Variants in NAGK observed in about 807,000 individuals in gnomAD.
NAGK encodes N-acetyl-D-glucosamine kinase.
A neutral mutation model predicts 42.9 loss-of-function variants in NAGK; 35 were observed. The ratio of observed to expected loss-of-function variants is 0.82; its 90% confidence interval spans 0.62 to 1.08. NAGK has a LOEUF of 1.08. NAGK is among the 50% of genes least tolerant of loss of function. The pLI, the probability that NAGK is intolerant of heterozygous loss-of-function variation, is 0.00. For synonymous variants in NAGK, 172 were observed against 176.0 expected (o/e 0.98, Z 0.18); for missense variants, 446 against 446.0 (o/e 1.00, Z 0.00).
chr2:71,072,467 G>A (rs1672052070), intron 4 of NAGK, 174 bp from the exon 5 acceptor site: 1 of 572,222 alleles, frequency 1.7e-6, no homozygotes, highest in Admixed American at 3.0e-5. Context: ...GTTTTTCTGA[G>A]ACCCAGGCTC....
At chr2:71,073,667 C>A in intron 6 of NAGK, 73 bp downstream of exon 6, 3 of 1,255,436 alleles carry the variant, frequency 2.4e-6, no homozygotes, top group Non-Finnish European at 2.3e-6. Context: ...AGAGTGGATG[C>A]AGGGGAGGGC....
At chr2:71,074,447 G>A (rs926086022) in intron 6 of NAGK, among the ~76,000 whole-genome samples, 15 of 152,150 alleles carry the variant, frequency 9.9e-5, no homozygotes, top group Non-Finnish European at 1.8e-4. Flanking sequence ...TAAGCTATCC[G>A]GACTCAGCCA....
chr2:71,068,872 G>T, intron 1 of NAGK, 160 bp downstream of exon 1: 3 of 1,369,110 alleles, frequency 2.2e-6, no homozygotes, highest in Non-Finnish European at 1.9e-6. Context: ...GCCCTGGAGC[G>T]CACAGCTGTA....
At position 71,078,576 on chromosome 2, in the gene NAGK, G is replaced by T. The variant is rs1391792083; in HGVS notation, c.*68G>T. 3 of 1,421,560 alleles carry T rather than the reference G, an allele frequency of 2.1e-6. No homozygotes were observed. The East Asian group carries it at 7.6e-5, about 36-fold the overall frequency. 88.1% of individuals were successfully genotyped at this position (1,421,560 alleles called of 1,614,324 possible). A position where few individuals can be genotyped will look rare whatever the true frequency, so the allele number is the denominator to read the frequency against. Reference sequence around the variant, plus strand: ...TGGGTCTGAAAGGAAGGAGTCTTTTGCTTCCTTTCTCCTTTTTACAAAAAC... The same window carrying T: ...TGGGTCTGAAAGGAAGGAGTCTTTTTCTTCCTTTCTCCTTTTTACAAAAAC... On this transcript the variant is annotated 3_prime_UTR_variant, in exon 10 of 10. Transcript: ENST00000244204.
chr2:71,075,434 A>G, intron 6 of NAGK, 121 bp from the exon 7 acceptor site: 1 of 691,470 alleles, frequency 1.4e-6, no homozygotes, highest in Non-Finnish European at 2.5e-6. Flanking sequence ...TGTACTTTGG[A>G]GTTAAAAAAA....
rs1298038683 is a variant in NAGK, at chr2:71,079,740, C to G, written c.*1232C>G. On this transcript the variant is annotated 3_prime_UTR_variant, in exon 10 of 10. Transcript: ENST00000244204. The stretch of plus-strand genomic sequence containing the variant: ...GAGCTTGCAGTGAGCCGAGGTCGCA[C>G]CACTGCACTCCAGCCTGGGCGACAG... The G allele has an allele frequency of 3.3e-5, 5 of 152,206 alleles. No homozygotes were observed. The highest frequency in any genetic ancestry group is 2.0e-4 in the Admixed American group (3 of 15,290). 9.4% of individuals were successfully genotyped at this position (152,206 alleles called of 1,614,324 possible).
chr2:71,078,328 G>T lies in NAGK; in HGVS notation c.855G>T (p.Leu285=). Residue 285 remains leucine (L), a synonymous_variant, in exon 10 of 10, where the codon CTG becomes CTT. Coordinates refer to ENST00000244204, the MANE Select transcript of NAGK (RefSeq NM_017567.6). Reference sequence around the variant, plus strand: ...TGTTCTTCCCTCCAGGTTTTCTTCTGGCGCTGACCCAGGGCAGAGAGATCC... The same window carrying T: ...TGTTCTTCCCTCCAGGTTTTCTTCTTGCGCTGACCCAGGGCAGAGAGATCC... ...SWELLKEGFL[L]ALTQGREIQA... 2 of 1,614,054 alleles carry T rather than the reference G, an allele frequency of 1.2e-6. No homozygotes were observed. The highest frequency in any genetic ancestry group is 2.2e-5 in the South Asian group (2 of 91,070).
intron 5 of NAGK, 158 bp from the exon 6 acceptor site, chr2:71,073,324 A>ACCCCCC: frequency 2.7e-5 from 5 of 188,376 alleles, no homozygotes; most frequent in South Asian, 4.4e-5. Flanking sequence ...AGACCCTCCC[A>ACCCCCC]CCCCCCTCTC....
At chr2:71,074,172 G>A (rs1672128374) in intron 6 of NAGK, among the ~76,000 whole-genome samples, 1 of 152,200 alleles carries the variant, frequency 6.6e-6, no homozygotes, top group Admixed American at 6.5e-5. Context: ...AGGTGAAAGG[G>A]AGAGGACAAG....
intron 1 of NAGK, 24 bp from the exon 2 acceptor site, chr2:71,070,478 C>A: frequency 6.2e-7 from 1 of 1,600,330 alleles, no homozygotes; most frequent in Non-Finnish European, 8.6e-7. Context: ...CGAGCAAGAT[C>A]AAGTGCCCTC....
rs760201189 is a variant in NAGK at position 71,070,482 on chromosome 2, T to G, written c.30-20T>G. The G allele has an allele frequency of 6.9e-6, 11 of 1,604,782 alleles. No individual in the cohort carries two copies. Among genetic ancestry groups the G allele is most frequent in the Non-Finnish European group, 9.4e-6 (11 of 1,172,162 alleles). On this transcript the variant is annotated intron_variant, in intron 1 of 9. Coordinates refer to ENST00000244204, the MANE Select transcript of NAGK (RefSeq NM_017567.6). ...GTGGGTTTTTCCGAGCAAGATCAAG[T>G]GCCCTCTTGTGTTCTGTAGGGGAGG...
intron 5 of NAGK, chr2:71,073,185 G>A (rs147709165): frequency 1.1e-4 from 57 of 508,476 alleles, no homozygotes; most frequent in Non-Finnish European, 1.7e-4. Flanking sequence ...CAGTGACTCC[G>A]GTGGTATTTG....
At chr2:71,076,998 C>G (rs1355246685) in intron 8 of NAGK, among the ~76,000 whole-genome samples, 2 of 152,058 alleles carry the variant, frequency 1.3e-5, no homozygotes, top group African/African-American at 2.4e-5. Context: ...CAGTCTCACT[C>G]TGTCAGCCAG....
At chr2:71,073,448 C>A in intron 5 of NAGK, 34 bp from the exon 6 acceptor site, 1 of 1,457,356 alleles carries the variant, frequency 6.9e-7, no homozygotes, top group Non-Finnish European at 9.6e-7. Flanking sequence ...AGGATGACTG[C>A]TCCCATCTTC....
intron 1 of NAGK, chr2:71,069,705 T>C (rs1671925806): frequency 6.5e-6 from 1 of 154,656 alleles, no homozygotes; most frequent in East Asian, 1.9e-4. Context: ...TGCCACCTCA[T>C]GTATTAACTA....
chr2:71,070,708 T>C (rs1252814832), intron 2 of NAGK, 33 bp from the exon 3 acceptor site: 1 of 1,613,822 alleles, frequency 6.2e-7, no homozygotes, highest in East Asian at 2.2e-5. Flanking sequence ...TCTGTAAGCC[T>C]TTGTAACTCC....
chr2:71,073,661 T>C lies in NAGK; in HGVS notation c.579+67T>C, dbSNP rs535522042. 4.5e-4 allele frequency: 592 copies of C among 1,315,394 alleles called. 6 individuals carry two copies. Among genetic ancestry groups the C allele is most frequent in the South Asian group, 4.3e-3 (369 of 85,202 alleles). The allele number at this position is 1,315,394 out of a possible 1,614,324, so 81.5% of individuals were successfully genotyped here. A position where few individuals can be genotyped will look rare whatever the true frequency, so the allele number is the denominator to read the frequency against. ...GGCAGTGAAACACTCCAAGTAAGAG[T>C]GGATGCAGGGGAGGGCCTGGGCGGA... On this transcript the variant is annotated intron_variant, in intron 6 of 9. Coordinates refer to ENST00000244204, the MANE Select transcript of NAGK (RefSeq NM_017567.6).
At chr2:71,078,073 A>G (rs1211839470) in intron 9 of NAGK, among the ~76,000 whole-genome samples, 1 of 152,204 alleles carries the variant, frequency 6.6e-6, no homozygotes, top group African/African-American at 2.4e-5. Flanking sequence ...AAGGACTCCC[A>G]TTGCTACCAT....
upstream of NAGK, chr2:71,068,547 T>A (rs1049305877): frequency 3.4e-6 from 5 of 1,476,960 alleles, no homozygotes; most frequent in African/African-American, 7.4e-5. Flanking sequence ...GCCCCGCGCA[T>A]GCGCACGCGC....
Sources: allele counts gnomAD v4.1 joint callset (sites outside exome capture counted in the v4.1 genomes callset), GRCh38; gene constraint gnomAD v4.1.1; transcripts MANE v1.5; gene names NCBI Gene and HGNC (gene_info 2026-07-23, HGNC 2026-07-21).